RBPMS: variants seen among roughly 807,000 people sequenced by gnomAD.
The protein encoded by RBPMS is RNA-binding protein with multiple splicing.
In RBPMS, 7 loss-of-function variants were observed where a neutral mutation model predicts 26.8. The observed-to-expected ratio is 0.26, with a 90% CI of 0.15 to 0.49. The LOEUF is 0.49. Among genes scored for constraint, RBPMS ranks in the 20% least tolerant of loss-of-function variants. The pLI is 0.98. For synonymous variants in RBPMS, 96 were observed against 93.3 expected (o/e 1.03, Z -0.17); for missense variants, 186 against 250.0 (o/e 0.74, Z 1.73).
chr8:30,564,936 A>C (rs978316246), intron 7 of RBPMS: 2 of 152,046 alleles, frequency 1.3e-5, no homozygotes, highest in African/African-American at 4.8e-5. Flanking sequence ...CCAGGATCCC[A>C]GTACTTGTAT....
At chr8:30,458,301 A>G (rs1815468940) in intron 1 of RBPMS, among the ~76,000 whole-genome samples, 1 of 152,164 alleles carries the variant, frequency 6.6e-6, no homozygotes, top group South Asian at 2.1e-4. Flanking sequence ...TAACAAAAAA[A>G]CCTTGGGTCC....
At chr8:30,547,880 A>C (rs753374567) in intron 6 of RBPMS, among the ~76,000 whole-genome samples, 89 of 152,204 alleles carry the variant, frequency 5.8e-4, no homozygotes, top group Non-Finnish European at 1.1e-3. Flanking sequence ...CAGGAGACAA[A>C]GTGTCATTGA....
intron 6 of RBPMS, chr8:30,556,388 G>C: frequency 2.0e-6 from 2 of 985,762 alleles, no homozygotes; most frequent in Non-Finnish European, 1.2e-6. Flanking sequence ...GAGTGAGAAC[G>C]TGAGGGCTGT....
intron 1 of RBPMS, among the ~76,000 whole-genome samples, chr8:30,461,177 T>C (rs1182119541): frequency 1.3e-5 from 2 of 152,192 alleles, no homozygotes; most frequent in Admixed American, 6.5e-5. Context: ...AATCTCTTCA[T>C]TGATGTTGAT....
intron 1 of RBPMS, among the ~76,000 whole-genome samples, chr8:30,465,014 A>C (rs1816341700): frequency 6.6e-6 from 1 of 152,250 alleles, no homozygotes; most frequent in South Asian, 2.1e-4. Flanking sequence ...TTGTATGAAA[A>C]GTAACATTTC....
chr8:30,452,794 G>A (rs1814741183), intron 1 of RBPMS, among the ~76,000 whole-genome samples: 1 of 152,168 alleles, frequency 6.6e-6, no homozygotes, highest in Non-Finnish European at 1.5e-5. Context: ...CTGACTCCTG[G>A]CACTTGTTTG....
chr8:30,549,845 TTTTC>T (rs1312167661), intron 6 of RBPMS, among the ~76,000 whole-genome samples: 95 of 148,754 alleles, frequency 6.4e-4, no homozygotes, highest in Middle Eastern at 3.4e-3. Context: ...CTTTTCTTTC[TTTTC>T]TTTCTTCTTT....
intron 6 of RBPMS, chr8:30,555,946 C>T: frequency 3.0e-6 from 3 of 985,446 alleles, no homozygotes; most frequent in Non-Finnish European, 3.6e-6. Flanking sequence ...TGCTGTGCAC[C>T]ATGAGCCCTG....
At chr8:30,454,567 A>C (rs549393136) in intron 1 of RBPMS, among the ~76,000 whole-genome samples, 1 of 152,354 alleles carries the variant, frequency 6.6e-6, no homozygotes, top group South Asian at 2.1e-4. Context: ...TCTTTTCCTT[A>C]TAATTACATA....
chr8:30,556,809 T>G (rs534013049), intron 6 of RBPMS: 5 of 984,792 alleles, frequency 5.1e-6, no homozygotes, highest in East Asian at 1.1e-4. Flanking sequence ...GTATGAGTTC[T>G]TTCTTCTCCC....
At chr8:30,476,059 ATCT>A (rs747242411) in intron 2 of RBPMS, among the ~76,000 whole-genome samples, 59 of 152,276 alleles carry the variant, frequency 3.9e-4, no homozygotes, top group Admixed American at 6.5e-4. Context: ...ACGCAAATTG[ATCT>A]TCTTAGTGTA....
In RBPMS at chr8:30,461,634, T is replaced by A. The variant is rs551977647; in HGVS notation, c.67-13145T>A. On this transcript the variant is annotated intron_variant, in intron 1 of 8. Coordinates refer to ENST00000397323, the MANE Select transcript of RBPMS (RefSeq NM_001008710.3). ...ATAGTCTTGATCTCCTGACCTCGTG[T>A]TCCACCCGCCTTGACCTCCCAAAGT... Among the ~76,000 whole-genome samples the A allele has an allele frequency of 2.4e-4, 36 of 152,254 alleles. No individual in the cohort carries two copies. In the East Asian group the frequency reaches 4.4e-3, roughly 19 times the overall value.
At chr8:30,476,177 T>A (rs1651565085) in intron 2 of RBPMS, among the ~76,000 whole-genome samples, 1 of 141,650 alleles carries the variant, frequency 7.1e-6, no homozygotes, top group Non-Finnish European at 1.5e-5. Context: ...AGTGGGTGAG[T>A]CTCATTTTTT....
chr8:30,561,941 C>G (rs1477498782), intron 7 of RBPMS: 1 of 985,218 alleles, frequency 1.0e-6, no homozygotes. Flanking sequence ...TCATTTCTCA[C>G]AGACCCTTCA....
chr8:30,572,250 G>C lies in RBPMS; in HGVS notation c.*1725G>C, dbSNP rs1015493930. 4 of 152,206 alleles carry C rather than the reference G, an allele frequency of 2.6e-5. No homozygotes were observed. The highest frequency in any genetic ancestry group is 9.7e-5 in the African/African-American group (4 of 41,440). 9.4% of individuals were successfully genotyped at this position (152,206 alleles called of 1,614,324 possible). On this transcript the variant is annotated 3_prime_UTR_variant, in exon 9 of 9. Transcript: ENST00000397323. Reference sequence around the variant, plus strand: ...TTTAAAAAATAAAGTGCTTATTCCAGCTGTCACACCATTGCTTGACAAATT... The same window carrying C: ...TTTAAAAAATAAAGTGCTTATTCCACCTGTCACACCATTGCTTGACAAATT...
At chr8:30,440,973 C>G (rs909410037) in intron 1 of RBPMS, among the ~76,000 whole-genome samples, 3 of 151,426 alleles carry the variant, frequency 2.0e-5, no homozygotes, top group East Asian at 3.9e-4. Context: ...GCCCCGCCCC[C>G]CTCCAGCTAG....
chr8:30,541,657 A>G (rs1004955432), intron 5 of RBPMS, among the ~76,000 whole-genome samples: 9 of 152,086 alleles, frequency 5.9e-5, no homozygotes, highest in East Asian at 3.9e-4. Context: ...CTAAACTCCA[A>G]TTCATCCCAG....
chr8:30,476,580 G>A (rs1817715480), intron 2 of RBPMS, among the ~76,000 whole-genome samples: 1 of 152,152 alleles, frequency 6.6e-6, no homozygotes, highest in Non-Finnish European at 1.5e-5. Context: ...ATGTAAGGAT[G>A]AATCAATCTC....
At chr8:30,512,752 T>A (rs77816721) in intron 5 of RBPMS, among the ~76,000 whole-genome samples, 111 of 152,310 alleles carry the variant, frequency 7.3e-4, no homozygotes, top group Middle Eastern at 3.4e-3. Flanking sequence ...GACCATACTA[T>A]ACTTAAACAA....
Sources: gnomAD v4.1 joint callset for allele counts (sites outside exome capture counted in the v4.1 genomes callset) on GRCh38, gnomAD v4.1.1 for gene constraint, MANE v1.5 for transcripts, NCBI Gene and HGNC (gene_info 2026-07-23, HGNC 2026-07-21) for gene names.